The following ST7 variants were observed in gnomAD, a reference collection of about 807,000 sequenced individuals.
The protein encoded by ST7 is suppressor of tumorigenicity 7 protein.
A neutral mutation model predicts 78.7 loss-of-function variants in ST7; 28 were observed. The observed-to-expected ratio is 0.36, with a 90% confidence interval of 0.26 to 0.49. The LOEUF is 0.49. ST7 is among the 20% of genes least tolerant of loss of function. The pLI is 0.99. For synonymous variants in ST7, 247 were observed against 249.6 expected, an observed-to-expected ratio of 0.99 and a Z score of 0.10; for missense variants, 418 against 696.0, an observed-to-expected ratio of 0.60 and a Z score of 4.49.
chr7:117,076,832 C>T (rs898478405), intron 1 of ST7, among the ~76,000 whole-genome samples: 34 of 152,196 alleles, frequency 2.2e-4, no homozygotes, highest in African/African-American at 8.2e-4. Flanking sequence ...GCTCAGAGGG[C>T]CCTCCACCCT....
chr7:117,109,607 A>C (rs533846091), intron 2 of ST7, among the ~76,000 whole-genome samples: 5 of 152,226 alleles, frequency 3.3e-5, no homozygotes, highest in African/African-American at 9.6e-5. Context: ...GCTGAATTCT[A>C]TCAGACATTC....
chr7:117,047,295 T>C (rs963585673), intron 1 of ST7, among the ~76,000 whole-genome samples: 24 of 152,162 alleles, frequency 1.6e-4, no homozygotes, highest in East Asian at 1.9e-4. Context: ...GATTTAGAAA[T>C]TGTTTTTATG....
intron 1 of ST7, chr7:116,967,402 C>G (rs747749655): frequency 2.1e-6 from 1 of 471,282 alleles, no homozygotes; most frequent in Non-Finnish European, 4.4e-6. Context: ...CCCTGCCTTA[C>G]CAGTTCCTAT....
intron 1 of ST7, among the ~76,000 whole-genome samples, chr7:117,005,852 A>G (rs1383818845): frequency 6.6e-6 from 1 of 152,260 alleles, no homozygotes; most frequent in Admixed American, 6.5e-5. Context: ...TTAACATTCA[A>G]AAAGCTAATG....
At chr7:117,090,412 C>T (rs886103451) in intron 1 of ST7, among the ~76,000 whole-genome samples, 3 of 152,284 alleles carry the variant, frequency 2.0e-5, no homozygotes, top group Middle Eastern at 3.4e-3. Flanking sequence ...AGTCATTTAG[C>T]GTTTATCAAA....
chr7:116,955,750 G>A (rs1252227622), intron 1 of ST7, among the ~76,000 whole-genome samples: 1 of 152,126 alleles, frequency 6.6e-6, no homozygotes, highest in Admixed American at 6.6e-5. Flanking sequence ...AATATCTACT[G>A]GGAAAATGTG....
At chr7:117,156,667 T>C (rs1481909148) in intron 9 of ST7, among the ~76,000 whole-genome samples, 2 of 152,132 alleles carry the variant, frequency 1.3e-5, no homozygotes, top group South Asian at 2.1e-4. Flanking sequence ...AAGCATCCAG[T>C]GGCTTCTGAG....
chr7:117,050,653 TG>T (rs1797736995), intron 1 of ST7, among the ~76,000 whole-genome samples: 1 of 152,200 alleles, frequency 6.6e-6, no homozygotes, highest in African/African-American at 2.4e-5. Flanking sequence ...TTCTGAGGCC[TG>T]GTGCGGTGGC....
At chr7:117,226,181 A>C (rs924466498) in intron 15 of ST7, among the ~76,000 whole-genome samples, 1 of 152,196 alleles carries the variant, frequency 6.6e-6, no homozygotes, top group Non-Finnish European at 1.5e-5. Flanking sequence ...AGTTATTCAG[A>C]TAAGCAGAGG....
chr7:117,152,801 A>T (rs77383262), intron 9 of ST7, among the ~76,000 whole-genome samples: 11 of 152,130 alleles, frequency 7.2e-5, no homozygotes, highest in African/African-American at 2.7e-4. Context: ...TTAGGGAGAT[A>T]ATTTTTTTAG....
At chr7:117,188,974 A>G (rs1563153052) in intron 10 of ST7, among the ~76,000 whole-genome samples, 1 of 152,168 alleles carries the variant, frequency 6.6e-6, no homozygotes, top group African/African-American at 2.4e-5. Context: ...AGACACTTTC[A>G]TGTCTTTCAC....
intron 3 of ST7, among the ~76,000 whole-genome samples, chr7:117,122,755 C>G (rs1453843903): frequency 1.3e-5 from 2 of 152,164 alleles, no homozygotes; most frequent in African/African-American, 4.8e-5. Flanking sequence ...GCTAAACAAA[C>G]ATGTATGCTA....
At chr7:117,195,046 G>GT (rs1810168863) in intron 12 of ST7, among the ~76,000 whole-genome samples, 1 of 152,106 alleles carries the variant, frequency 6.6e-6, no homozygotes, top group Non-Finnish European at 1.5e-5. Context: ...GTTACAGGCA[G>GT]TATTAAATAT....
chr7:117,017,081 G>C (rs949810219), intron 1 of ST7, among the ~76,000 whole-genome samples: 1 of 152,116 alleles, frequency 6.6e-6, no homozygotes, highest in African/African-American at 2.4e-5. Context: ...GTGGTTTTCA[G>C]GCTAACCATG....
chr7:117,044,075 TAC>T (rs1797367132), intron 1 of ST7, among the ~76,000 whole-genome samples: 1 of 152,200 alleles, frequency 6.6e-6, no homozygotes, highest in African/African-American at 2.4e-5. Context: ...TCTTTCTCAG[TAC>T]ACATCCCTGG....
At chr7:117,084,362 C>A (rs1031402065) in intron 1 of ST7, among the ~76,000 whole-genome samples, 1 of 152,146 alleles carries the variant, frequency 6.6e-6, no homozygotes, top group African/African-American at 2.4e-5. Flanking sequence ...GATTGGACCA[C>A]TGAGGGCAAC....
intron 1 of ST7, among the ~76,000 whole-genome samples, chr7:116,986,444 C>A (rs960038323): frequency 6.6e-5 from 10 of 152,076 alleles, no homozygotes; most frequent in Admixed American, 4.6e-4. Context: ...TCAGAAAGGA[C>A]AAAATCAAGA....
chr7:117,214,990 A>C (rs907999167), intron 13 of ST7, among the ~76,000 whole-genome samples: 13 of 151,010 alleles, frequency 8.6e-5, no homozygotes, highest in Non-Finnish European at 1.6e-4. Flanking sequence ...ACACACACAC[A>C]CCTCACATCA....
chr7:116,977,836 A>T lies in ST7; in HGVS notation c.151+24145A>T, dbSNP rs545149479. ...CCAAAGTTCTGGGATTACAGGCGTG[A>T]GCCACCGCGCCCGGCCGAGTGGTGG... On this transcript the variant is annotated intron_variant, in intron 1 of 15. Transcript: ENST00000323984. Among the ~76,000 whole-genome samples, 252 of 152,336 alleles carry T rather than the reference A, an allele frequency of 1.7e-3. 1 individual carries two copies. The highest frequency in any genetic ancestry group is 5.7e-3 in the African/African-American group (239 of 41,576).
Sources: allele counts gnomAD v4.1 joint callset (sites outside exome capture counted in the v4.1 genomes callset), GRCh38; gene constraint gnomAD v4.1.1; transcripts MANE v1.5; gene names NCBI Gene and HGNC (gene_info 2026-07-23, HGNC 2026-07-21).